The following SLC16A10 variants were observed in gnomAD, a reference collection of about 807,000 sequenced individuals.
The protein encoded by SLC16A10 is solute carrier family 16 member 10.
SLC16A10 carries 27 observed loss-of-function variants against 40.0 expected under a neutral mutation model. The ratio of observed to expected loss-of-function variants is 0.67; its 90% confidence interval spans 0.50 to 0.93. SLC16A10 has a LOEUF of 0.93. Among genes scored for constraint, SLC16A10 ranks in the 40% least tolerant of loss-of-function variants. SLC16A10 has a pLI of 0.00. For synonymous variants in SLC16A10, 213 were observed against 249.8 expected, an observed-to-expected ratio of 0.85 and a Z score of 1.39; for missense variants, 529 against 658.2, an observed-to-expected ratio of 0.80 and a Z score of 2.15.
chr6:111,107,244 C>T (rs773137903), intron 1 of SLC16A10, among the ~76,000 whole-genome samples: 10 of 152,154 alleles, frequency 6.6e-5, no homozygotes, highest in Non-Finnish European at 1.3e-4. Context: ...TACAACATGT[C>T]TGAACTTGTT....
chr6:111,191,552 G>A (rs796118619), intron 3 of SLC16A10, among the ~76,000 whole-genome samples: 16 of 152,272 alleles, frequency 1.1e-4, no homozygotes, highest in Admixed American at 3.3e-4. Context: ...GGATTGCTGG[G>A]TCAAATGGTA....
chr6:111,088,166 G>A, intron 1 of SLC16A10, 71 bp downstream of exon 1: 1 of 1,471,242 alleles, frequency 6.8e-7, no homozygotes, highest in East Asian at 2.5e-5. Flanking sequence ...CCCGCGTGTG[G>A]GCTGTGTCTG....
At chr6:111,179,051 T>C (rs1400471695) in intron 3 of SLC16A10, among the ~76,000 whole-genome samples, 1 of 152,086 alleles carries the variant, frequency 6.6e-6, no homozygotes, top group Non-Finnish European at 1.5e-5. Context: ...CAGGGTCTTG[T>C]TAAGTTGCTC....
chr6:111,103,783 C>T lies in SLC16A10; in HGVS notation c.343+15688C>T, dbSNP rs73765920. Among the ~76,000 whole-genome samples the T allele has an allele frequency of 1.7e-3, 257 of 152,280 alleles. 3 individuals carry two copies. The highest frequency in any genetic ancestry group is 5.7e-3 in the African/African-American group (235 of 41,552). ...GATTGGGAGACTTTTCTCAGCATAT[C>T]TAACAGAAGAGGGTATCCGAGGTGA... is the stretch of plus-strand genomic sequence containing the variant. On this transcript the variant is annotated intron_variant, in intron 1 of 5. Transcript: ENST00000368851.
chr6:111,141,087 A>AC (rs1335298900), intron 1 of SLC16A10, among the ~76,000 whole-genome samples: 2 of 152,086 alleles, frequency 1.3e-5, no homozygotes, highest in African/African-American at 2.4e-5. Context: ...CACTATACCC[A>AC]CCCAACATAA....
rs112234052 is a variant in SLC16A10, at chr6:111,111,342, T to C, written c.343+23247T>C. Among the ~76,000 whole-genome samples the C allele has an allele frequency of 2.5e-3, 384 of 152,320 alleles. 3 individuals carry two copies. The highest frequency in any genetic ancestry group is 8.7e-3 in the African/African-American group (363 of 41,576). ...ACATTGTAGAATTGTTAAGTCTAGGTAATTAACAAATGCATTACCTCACAC... is the reference window on the plus strand; with the variant it reads ...ACATTGTAGAATTGTTAAGTCTAGGCAATTAACAAATGCATTACCTCACAC... On this transcript the variant is annotated intron_variant, in intron 1 of 5. Transcript: ENST00000368851.
chr6:111,118,423 T>G (rs976557511), intron 1 of SLC16A10, among the ~76,000 whole-genome samples: 1 of 152,158 alleles, frequency 6.6e-6, no homozygotes, highest in Non-Finnish European at 1.5e-5. Flanking sequence ...GGCTCACGCC[T>G]GTAATCCCAG....
chr6:111,157,446 G>A (rs529186304), intron 1 of SLC16A10, among the ~76,000 whole-genome samples: 2 of 152,124 alleles, frequency 1.3e-5, no homozygotes, highest in South Asian at 4.2e-4. Flanking sequence ...ACTACGCCCA[G>A]CTAATTTTTT....
At chr6:111,126,017 GC>G (rs1328934707) in intron 1 of SLC16A10, among the ~76,000 whole-genome samples, 13 of 152,076 alleles carry the variant, frequency 8.5e-5, no homozygotes, top group Non-Finnish European at 1.8e-4. Flanking sequence ...GTCAGTAGCG[GC>G]TTTGTTCAAA....
chr6:111,112,628 T>C (rs1771410299), intron 1 of SLC16A10, among the ~76,000 whole-genome samples: 1 of 152,250 alleles, frequency 6.6e-6, no homozygotes, highest in South Asian at 2.1e-4. Context: ...GAATGCTTCA[T>C]ATGAAGTAGG....
In SLC16A10 at chr6:111,206,081, C is replaced by CT. The variant is rs200318165; in HGVS notation, c.943-497dup. Among the ~76,000 whole-genome samples, 303 of 142,940 alleles carry CT rather than the reference C, an allele frequency of 2.1e-3. 1 individual carries two copies. Among genetic ancestry groups the CT allele is most frequent in the Middle Eastern group, 7.6e-3 (2 of 264 alleles). The allele number at this position is 142,940 out of a possible 152,430, so 93.8% of individuals were successfully genotyped here. A position where few individuals can be genotyped will look rare whatever the true frequency, so the allele number is the denominator to read the frequency against. The stretch of plus-strand genomic sequence containing the variant: ...AAAAATAAAAACTCTTATAAACATG[C>CT]TTTTTTTTTTTTTTGGAGACGGAGT... On this transcript the variant is annotated intron_variant, in intron 3 of 5. Transcript: ENST00000368851.
chr6:111,106,120 A>G (rs776780220), intron 1 of SLC16A10, among the ~76,000 whole-genome samples: 18 of 151,986 alleles, frequency 1.2e-4, no homozygotes, highest in Non-Finnish European at 2.4e-4. Context: ...TTTTCTGACA[A>G]TTATAGGGAA....
Position 111,219,037 on chromosome 6 carries a change from T to C in SLC16A10, c.1310T>C (p.Ile437Thr). The change falls in exon 5 of 6, where the codon ATT (isoleucine) becomes ACT (threonine). Residue 437 changes from isoleucine to threonine, a missense_variant. Physicochemically the swap from Ile to Thr is moderately conservative, Grantham distance 89 (BLOSUM62 -1). Coordinates refer to ENST00000368851, the MANE Select transcript of SLC16A10 (RefSeq NM_018593.5). The part of the protein sequence containing the change: ...MSIPMTVGPP[I>T]AGLLRDKLGS... The stretch of plus-strand genomic sequence containing the variant: ...ATACCCATGACTGTTGGCCCACCCA[T>C]TGCAGGTAAATATAATGATTCTCCA... The C allele has an allele frequency of 6.2e-7, 1 of 1,613,416 alleles. No homozygotes were observed. The highest frequency in any genetic ancestry group is 8.5e-7 in the Non-Finnish European group (1 of 1,179,320).
intron 1 of SLC16A10, among the ~76,000 whole-genome samples, chr6:111,136,992 A>G (rs1771891036): frequency 2.0e-5 from 3 of 152,258 alleles, no homozygotes; most frequent in South Asian, 4.1e-4. Flanking sequence ...GAAGCCATTA[A>G]GAAACTATTA....
intron 1 of SLC16A10, among the ~76,000 whole-genome samples, chr6:111,128,621 G>A (rs1199945842): frequency 1.3e-5 from 2 of 152,078 alleles, no homozygotes; most frequent in Admixed American, 6.5e-5. Flanking sequence ...ACTCGAAGTC[G>A]GATGCAGTAA....
chr6:111,189,713 G>T (rs1772958393), intron 3 of SLC16A10, among the ~76,000 whole-genome samples: 1 of 152,090 alleles, frequency 6.6e-6, no homozygotes, highest in African/African-American at 2.4e-5. Context: ...CAGGGGAACT[G>T]CCCTTTATAA....
chr6:111,096,249 C>A (rs1771072590), intron 1 of SLC16A10, among the ~76,000 whole-genome samples: 1 of 152,206 alleles, frequency 6.6e-6, no homozygotes, highest in African/African-American at 2.4e-5. Context: ...GCTGTGATGT[C>A]ATTTTTGGAA....
At position 111,231,089 on chromosome 6, in the gene SLC16A10, C is replaced by A. The variant is rs751417869; in HGVS notation, c.*8854C>A. ...GCAATTTAATATAGATAACCAAAATCTTTTTAATGAAAAGATCTTTACAAT... is the reference window on the plus strand; with the variant it reads ...GCAATTTAATATAGATAACCAAAATATTTTTAATGAAAAGATCTTTACAAT... On this transcript the variant is annotated 3_prime_UTR_variant, in exon 6 of 6. Transcript: ENST00000368851. 6.6e-6 allele frequency: 1 copy of A among 152,004 alleles called. No homozygotes were observed. The highest frequency in any genetic ancestry group is 6.6e-5 in the Admixed American group (1 of 15,242). The allele number at this position is 152,004 out of a possible 1,614,324, so 9.4% of individuals were successfully genotyped here.
chr6:111,089,015 A>G (rs1407908621), intron 1 of SLC16A10, among the ~76,000 whole-genome samples: 1 of 152,166 alleles, frequency 6.6e-6, no homozygotes, highest in Non-Finnish European at 1.5e-5. Context: ...AATAAAACAC[A>G]TATCAACTGA....
Sources: allele counts gnomAD v4.1 joint callset (sites outside exome capture counted in the v4.1 genomes callset), GRCh38; gene constraint gnomAD v4.1.1; transcripts MANE v1.5; gene names NCBI Gene and HGNC (gene_info 2026-07-23, HGNC 2026-07-21).